Variants in MGAT2 observed in about 807,000 individuals in gnomAD.
MGAT2 encodes the protein Beta-1,2-N-acetylglucosaminyltransferase II.
MGAT2 carries 17 observed loss-of-function variants against 33.8 expected under a neutral mutation model. The ratio of observed to expected loss-of-function variants is 0.50; its 90% CI spans 0.34 to 0.76. The LOEUF is 0.76. MGAT2 is among the 30% of genes least tolerant of loss of function. MGAT2 has a pLI of 0.01. For synonymous variants in MGAT2, 248 were observed against 226.7 expected, an observed-to-expected ratio of 1.09 and a Z score of -0.84; for missense variants, 529 against 553.9, an observed-to-expected ratio of 0.96 and a Z score of 0.45.
In MGAT2 at chr14:49,623,472, T is replaced by G. The variant is rs1882913733; in HGVS notation, c.*860T>G. The G allele has an allele frequency of 6.0e-6, 1 of 167,108 alleles. No homozygotes were observed. Among genetic ancestry groups the G allele is most frequent in the Admixed American group, 6.5e-5 (1 of 15,282 alleles). 10.4% of individuals were successfully genotyped at this position (167,108 alleles called of 1,614,324 possible). On this transcript the variant is annotated 3_prime_UTR_variant, in exon 1 of 1. Coordinates refer to ENST00000305386, the MANE Select transcript of MGAT2 (RefSeq NM_002408.4). ...TGAGTTTGAAATAAAACCCAGCTTA[T>G]GACAATGCATTCCCTGTGCAAGAAA...
chr14:49,623,185 A>G lies in MGAT2; in HGVS notation c.*573A>G, dbSNP rs529002828. ...TTTGAGTGTGTTTTGGAACCTTCAT[A>G]GAACACACTTTCTTTTGGAATGTAT... On this transcript the variant is annotated 3_prime_UTR_variant, in exon 1 of 1. Transcript: ENST00000305386. 3 of 167,068 alleles carry G rather than the reference A, an allele frequency of 1.8e-5. No individual in the cohort carries two copies. The East Asian group carries it at 5.8e-4, about 32-fold the overall frequency. 10.3% of individuals were successfully genotyped at this position (167,068 alleles called of 1,614,324 possible).
At position 49,621,860 on chromosome 14, in the gene MGAT2, A is replaced by G. The variant is rs1346724903; in HGVS notation, c.592A>G (p.Arg198Gly). The part of the protein sequence containing the change: ...FPGSDPRDCP[R>G]DLPKNAALKL... ...AGGTAGTGACCCTAGAGATTGTCCC[A>G]GAGACCTGCCGAAGAATGCCGCTTT... Residue 198 changes from arginine (R) to glycine (G), a missense_variant, in exon 1 of 1, where the codon AGA (arginine) becomes GGA (glycine). Physicochemically the swap from Arg to Gly is moderately radical, Grantham distance 125 (BLOSUM62 -2). Coordinates refer to ENST00000305386, the MANE Select transcript of MGAT2 (RefSeq NM_002408.4). The surrounding 1 kb of genome is among the most constrained non-coding windows in gnomAD (Gnocchi z 4.6). 4 of 1,614,170 alleles carry G rather than the reference A, an allele frequency of 2.5e-6. No homozygotes were observed. The South Asian group carries it at 4.4e-5, about 18-fold the overall frequency.
chr14:49,621,096 A>G lies in MGAT2; in HGVS notation c.-173A>G. On this transcript the variant is annotated 5_prime_UTR_variant, in exon 1 of 1. Coordinates refer to ENST00000305386, the MANE Select transcript of MGAT2 (RefSeq NM_002408.4). The surrounding 1 kb of genome is among the most constrained non-coding windows in gnomAD (Gnocchi z 4.6). The stretch of plus-strand genomic sequence containing the variant: ...GCGCAGGCGGCGCGGGGTAAATGAG[A>G]GGTCTCGGGCCCCAGGACCCCCGGG... 1 of 906,496 alleles carries G rather than the reference A, an allele frequency of 1.1e-6. No homozygotes were observed. The highest frequency in any genetic ancestry group is 1.6e-5 in the African/African-American group (1 of 60,710). The allele number at this position is 906,496 out of a possible 1,614,324, so 56.2% of individuals were successfully genotyped here.
chr14:49,621,153 G>A lies in MGAT2; in HGVS notation c.-116G>A. 6.8e-7 allele frequency: 1 copy of A among 1,480,082 alleles called. No homozygotes were observed. The highest frequency in any genetic ancestry group is 9.2e-7 in the Non-Finnish European group (1 of 1,091,348). The allele number at this position is 1,480,082 out of a possible 1,614,324, so 91.7% of individuals were successfully genotyped here. ...GATGAGTTAGCGAGGGCAGCCGCGG[G>A]GGCCAGTTCCGACCGTGACAGGCCA... is the stretch of plus-strand genomic sequence containing the variant. On this transcript the variant is annotated 5_prime_UTR_variant, in exon 1 of 1. Transcript: ENST00000305386. This position sits in a 1 kb window ranked among gnomAD's most constrained non-coding sequence, Gnocchi z 4.6.
In MGAT2 at chr14:49,623,197, C is replaced by G. The variant is rs1882904647; in HGVS notation, c.*585C>G. On this transcript the variant is annotated 3_prime_UTR_variant, in exon 1 of 1. Coordinates refer to ENST00000305386, the MANE Select transcript of MGAT2 (RefSeq NM_002408.4). Reference sequence around the variant, plus strand: ...TTGGAACCTTCATAGAACACACTTTCTTTTGGAATGTATTTGATTGATAAG... The same window carrying G: ...TTGGAACCTTCATAGAACACACTTTGTTTTGGAATGTATTTGATTGATAAG... The G allele has an allele frequency of 1.2e-5, 2 of 165,348 alleles. No homozygotes were observed. The highest frequency in any genetic ancestry group is 2.9e-5 in the Non-Finnish European group (2 of 67,800). The allele number at this position is 165,348 out of a possible 1,614,324, so 10.2% of individuals were successfully genotyped here.
rs970068635 is a variant in MGAT2 at position 49,621,151 on chromosome 14, G to C, written c.-118G>C. The C allele has an allele frequency of 1.1e-5, 16 of 1,468,412 alleles. No individual in the cohort carries two copies. Among genetic ancestry groups the C allele is most frequent in the Non-Finnish European group, 1.5e-5 (16 of 1,081,762 alleles). The allele number at this position is 1,468,412 out of a possible 1,614,324, so 91.0% of individuals were successfully genotyped here. The stretch of plus-strand genomic sequence containing the variant: ...GGGATGAGTTAGCGAGGGCAGCCGC[G>C]GGGGCCAGTTCCGACCGTGACAGGC... On this transcript the variant is annotated 5_prime_UTR_variant, in exon 1 of 1. Coordinates refer to ENST00000305386, the MANE Select transcript of MGAT2 (RefSeq NM_002408.4). The surrounding 1 kb of genome is among the most constrained non-coding windows in gnomAD (Gnocchi z 4.6).
In MGAT2 at chr14:49,622,636, G is replaced by GTCT. The variant is rs1201133675; in HGVS notation, c.*28_*30dup. 6.3e-7 allele frequency: 1 copy of GTCT among 1,590,396 alleles called. No homozygotes were observed. The highest frequency in any genetic ancestry group is 8.5e-7 in the Non-Finnish European group (1 of 1,172,880). ...GAAAATCACAGTTACAAAAGCGACA[G>GTCT]TCTTCTATTTTTGATATTTGTCCAA... On this transcript the variant is annotated 3_prime_UTR_variant, in exon 1 of 1. Coordinates refer to ENST00000305386, the MANE Select transcript of MGAT2 (RefSeq NM_002408.4).
rs1236175782 is a variant in MGAT2 at position 49,622,735 on chromosome 14, G to T, written c.*123G>T. The T allele has an allele frequency of 2.0e-6, 2 of 989,782 alleles. No homozygotes were observed. The highest frequency in any genetic ancestry group is 1.4e-6 in the Non-Finnish European group (1 of 695,440). 61.3% of individuals were successfully genotyped at this position (989,782 alleles called of 1,614,324 possible). A position where few individuals can be genotyped will look rare whatever the true frequency, so the allele number is the denominator to read the frequency against. On this transcript the variant is annotated 3_prime_UTR_variant, in exon 1 of 1. Transcript: ENST00000305386. ...AATACAAAAACAAAATCTTGTAAAAGGTGTCCAAATACATAGTAATCTTTT... is the reference window on the plus strand; with the variant it reads ...AATACAAAAACAAAATCTTGTAAAATGTGTCCAAATACATAGTAATCTTTT...
In MGAT2 at chr14:49,621,359, C is replaced by T. The variant is rs1310787426; in HGVS notation, c.91C>T (p.Gln31Ter). ...CGTCCTCTGGAGCAGCAATGGGCGA[C>T]AAAGGAAGAACGAGGCCCTCGCCCC... is the stretch of plus-strand genomic sequence containing the variant. ...GFVLWSSNGR[Q>*]RKNEALAPPL... Residue 31 changes from glutamine (Q) to a stop codon, truncating the protein, a stop_gained, in exon 1 of 1, where the codon CAA (glutamine) becomes TAA (stop). Coordinates refer to ENST00000305386, the MANE Select transcript of MGAT2 (RefSeq NM_002408.4). LOFTEE classifies it high-confidence loss of function. This position sits in a 1 kb window ranked among gnomAD's most constrained non-coding sequence, Gnocchi z 4.6. The T allele has an allele frequency of 3.7e-6, 6 of 1,612,052 alleles. No individual in the cohort carries two copies. Among genetic ancestry groups the T allele is most frequent in the Non-Finnish European group, 4.2e-6 (5 of 1,179,532 alleles).
chr14:49,621,367 G>A lies in MGAT2; in HGVS notation c.99G>A (p.Lys33=), dbSNP rs140584714. 3.7e-6 allele frequency: 6 copies of A among 1,611,886 alleles called. No homozygotes were observed. Among genetic ancestry groups the A allele is most frequent in the Admixed American group, 3.3e-5 (2 of 59,950 alleles). ...GGAGCAGCAATGGGCGACAAAGGAA[G>A]AACGAGGCCCTCGCCCCACCGTTGC... is the stretch of plus-strand genomic sequence containing the variant. ...VLWSSNGRQR[K]NEALAPPLLD... Residue 33 remains lysine (K), a synonymous_variant, in exon 1 of 1, where the codon AAG becomes AAA. Coordinates refer to ENST00000305386, the MANE Select transcript of MGAT2 (RefSeq NM_002408.4). The surrounding 1 kb of genome is among the most constrained non-coding windows in gnomAD (Gnocchi z 4.6).
At position 49,622,750 on chromosome 14, in the gene MGAT2, A is replaced by G; in HGVS notation, c.*138A>G. 10 of 803,366 alleles carry G rather than the reference A, an allele frequency of 1.2e-5. No individual in the cohort carries two copies. The South Asian group carries it at 1.7e-4, about 14-fold the overall frequency. The allele number at this position is 803,366 out of a possible 1,614,324, so 49.8% of individuals were successfully genotyped here. On this transcript the variant is annotated 3_prime_UTR_variant, in exon 1 of 1. Transcript: ENST00000305386. ...TCTTGTAAAAGGTGTCCAAATACAT[A>G]GTAATCTTTTCCAGTTATGTCTGAT...
rs2139565241 is a variant in MGAT2 at position 49,621,088 on chromosome 14, T to G, written c.-181T>G. 2.3e-6 allele frequency: 2 copies of G among 859,202 alleles called. No homozygotes were observed. The highest frequency in any genetic ancestry group is 3.8e-6 in the Non-Finnish European group (2 of 531,552). 53.2% of individuals were successfully genotyped at this position (859,202 alleles called of 1,614,324 possible). A position where few individuals can be genotyped will look rare whatever the true frequency, so the allele number is the denominator to read the frequency against. ...TGTGTGGAGCGCAGGCGGCGCGGGG[T>G]AAATGAGAGGTCTCGGGCCCCAGGA... On this transcript the variant is annotated 5_prime_UTR_variant, in exon 1 of 1. Transcript: ENST00000305386. The surrounding 1 kb of genome is among the most constrained non-coding windows in gnomAD (Gnocchi z 4.6).
chr14:49,621,370 C>A lies in MGAT2; in HGVS notation c.102C>A (p.Asn34Lys). ...GCAGCAATGGGCGACAAAGGAAGAA[C>A]GAGGCCCTCGCCCCACCGTTGCTGG... Reference protein sequence around the residue: ...LWSSNGRQRKNEALAPPLLDA... With the variant: ...LWSSNGRQRKKEALAPPLLDA... The change falls in exon 1 of 1, where the codon AAC (asparagine) becomes AAA (lysine). Residue 34 changes from asparagine to lysine, a missense_variant. By Grantham distance (94) the Asn-to-Lys change is moderately conservative. Coordinates refer to ENST00000305386, the MANE Select transcript of MGAT2 (RefSeq NM_002408.4). The surrounding 1 kb of genome is among the most constrained non-coding windows in gnomAD (Gnocchi z 4.6). 4.3e-6 allele frequency: 7 copies of A among 1,611,748 alleles called. No homozygotes were observed. Among genetic ancestry groups the A allele is most frequent in the Non-Finnish European group, 5.9e-6 (7 of 1,179,290 alleles).
Position 49,622,154 on chromosome 14 carries a change from G to A in MGAT2, c.886G>A (p.Ala296Thr), listed in dbSNP as rs749038839. The part of the protein sequence containing the change: ...CDVLSLGTYS[A>T]SRSFYGMADK... ...TGTTCTCTCCCTGGGGACCTATAGT[G>A]CCAGTCGCAGTTTCTATGGCATGGC... is the stretch of plus-strand genomic sequence containing the variant. The change falls in exon 1 of 1, where the codon GCC (alanine) becomes ACC (threonine). Residue 296 changes from alanine to threonine, a missense_variant. Around this residue, in one of 2 missense-constraint regions of MGAT2, gnomAD observed 501 missense variants for 501.1 expected, o/e 1.00. Coordinates refer to ENST00000305386, the MANE Select transcript of MGAT2 (RefSeq NM_002408.4). 3 of 1,614,180 alleles carry A rather than the reference G, an allele frequency of 1.9e-6. No individual in the cohort carries two copies. The highest frequency in any genetic ancestry group is 2.2e-5 in the South Asian group (2 of 91,090).
In MGAT2 at chr14:49,623,413, CATTTT is replaced by C. The variant is rs1272116287; in HGVS notation, c.*803_*807del. On this transcript the variant is annotated 3_prime_UTR_variant, in exon 1 of 1. Transcript: ENST00000305386. ...TTCTACAAGTTTTGAGTTAGCATTA[CATTTT>C]AATATTTACTATTGCTACATTGTAT... is the stretch of plus-strand genomic sequence containing the variant. 6.0e-6 allele frequency: 1 copy of C among 167,060 alleles called. No individual in the cohort carries two copies. Among genetic ancestry groups the C allele is most frequent in the Non-Finnish European group, 1.5e-5 (1 of 68,108 alleles). The allele number at this position is 167,060 out of a possible 1,614,324, so 10.3% of individuals were successfully genotyped here.
rs1043126331 is a variant in MGAT2 at position 49,620,800 on chromosome 14, C to A, written c.-469C>A. Reference sequence around the variant, plus strand: ...CGGAGGGCCGCGGTGTGCCGCGGGGCAGTTGCGGGTTGTCATAACGGTCCC... The same window carrying A: ...CGGAGGGCCGCGGTGTGCCGCGGGGAAGTTGCGGGTTGTCATAACGGTCCC... On this transcript the variant is annotated 5_prime_UTR_variant, in exon 1 of 1. Coordinates refer to ENST00000305386, the MANE Select transcript of MGAT2 (RefSeq NM_002408.4). 5.0e-6 allele frequency: 3 copies of A among 600,732 alleles called. No individual in the cohort carries two copies. In the Admixed American group the frequency reaches 8.7e-5, roughly 17 times the overall value. The allele number at this position is 600,732 out of a possible 1,614,324, so 37.2% of individuals were successfully genotyped here.
Position 49,622,473 on chromosome 14 carries a change from A to G in MGAT2, c.1205A>G (p.Asn402Ser). 1 of 1,611,630 alleles carries G rather than the reference A, an allele frequency of 6.2e-7. No homozygotes were observed. The highest frequency in any genetic ancestry group is 8.5e-7 in the Non-Finnish European group (1 of 1,178,842). Reference protein sequence around the residue: ...SAQIESLLNNNKQYMFPETLT... With the variant: ...SAQIESLLNNSKQYMFPETLT... The stretch of plus-strand genomic sequence containing the variant: ...CAAATTGAGTCACTCTTAAATAATA[A>G]CAAACAATACATGTTTCCAGAAACT... Residue 402 changes from asparagine (N) to serine (S), a missense_variant, in exon 1 of 1, where the codon AAC (asparagine) becomes AGC (serine). Around this residue, in one of 2 missense-constraint regions of MGAT2, gnomAD observed 501 missense variants for 501.1 expected, o/e 1.00. Coordinates refer to ENST00000305386, the MANE Select transcript of MGAT2 (RefSeq NM_002408.4).
Position 49,621,089 on chromosome 14 carries a change from A to C in MGAT2, c.-180A>C. 5.8e-6 allele frequency: 5 copies of C among 857,608 alleles called. No individual in the cohort carries two copies. Among genetic ancestry groups the C allele is most frequent in the Non-Finnish European group, 9.4e-6 (5 of 529,578 alleles). 53.1% of individuals were successfully genotyped at this position (857,608 alleles called of 1,614,324 possible). On this transcript the variant is annotated 5_prime_UTR_variant, in exon 1 of 1. Transcript: ENST00000305386. The surrounding 1 kb of genome is among the most constrained non-coding windows in gnomAD (Gnocchi z 4.6). The stretch of plus-strand genomic sequence containing the variant: ...GTGTGGAGCGCAGGCGGCGCGGGGT[A>C]AATGAGAGGTCTCGGGCCCCAGGAC...
In MGAT2 at chr14:49,622,650, A is replaced by C. The variant is rs1222818126; in HGVS notation, c.*38A>C. The C allele has an allele frequency of 6.3e-7, 1 of 1,580,320 alleles. No homozygotes were observed. The highest frequency in any genetic ancestry group is 2.0e-5 in the Admixed American group (1 of 50,922). ...CAAAAGCGACAGTCTTCTATTTTTG[A>C]TATTTGTCCAAACAGGACATACAAT... On this transcript the variant is annotated 3_prime_UTR_variant, in exon 1 of 1. Transcript: ENST00000305386.
Sources: allele counts gnomAD v4.1 joint callset, GRCh38; gene constraint gnomAD v4.1.1; regional missense constraint gnomAD v4.1.1; non-coding constraint Gnocchi (gnomAD v3.1); transcripts MANE v1.5; gene names NCBI Gene and HGNC (gene_info 2026-07-23, HGNC 2026-07-21).